TMEM131: variants seen among roughly 807,000 people sequenced by gnomAD.
The protein encoded by TMEM131 is transmembrane protein 131, also known as 2610524E03Rik.
TMEM131 carries 66 observed loss-of-function variants against 211.6 expected under a neutral mutation model. That is an observed-to-expected ratio of 0.31 (90% CI 0.26 to 0.38). The LOEUF is 0.38. Among genes scored for constraint, TMEM131 ranks in the 10% least tolerant of loss-of-function variants. The pLI, the probability that TMEM131 is intolerant of heterozygous loss-of-function variation, is 1.00. For synonymous variants in TMEM131, 844 were observed against 841.3 expected (o/e 1.00, Z -0.06); for missense variants, 2,036 against 2,299.3 (o/e 0.89, Z 2.34).
chr2:97,757,895 G>A (rs1032484916), intron 40 of TMEM131, among the ~76,000 whole-genome samples: 5 of 152,160 alleles, frequency 3.3e-5, no homozygotes, highest in Admixed American at 2.0e-4. Context: ...CACTTTGGGA[G>A]GCCGACGTGG....
intron 11 of TMEM131, among the ~76,000 whole-genome samples, chr2:97,825,114 G>C (rs1202302708): frequency 5.3e-5 from 8 of 152,158 alleles, no homozygotes; most frequent in African/African-American, 1.9e-4. Context: ...CAACTTATGT[G>C]GACGGTCTTA....
At chr2:97,904,767 T>C (rs2104352036) in intron 3 of TMEM131, among the ~76,000 whole-genome samples, 1 of 152,194 alleles carries the variant, frequency 6.6e-6, no homozygotes, top group Non-Finnish European at 1.5e-5. Context: ...TATTTCATTC[T>C]ATCTTCGTGA....
intron 11 of TMEM131, among the ~76,000 whole-genome samples, chr2:97,829,041 G>A (rs947698669): frequency 3.3e-5 from 5 of 152,176 alleles, no homozygotes; most frequent in African/African-American, 9.7e-5. Flanking sequence ...CCTTTGACTG[G>A]CCTAGACAGT....
chr2:97,779,310 T>G (rs978294298), intron 31 of TMEM131, among the ~76,000 whole-genome samples: 1 of 152,210 alleles, frequency 6.6e-6, no homozygotes. Context: ...TGACTGATAA[T>G]ACTGGATGCC....
At chr2:97,850,742 TG>T (rs988805096) in intron 5 of TMEM131, among the ~76,000 whole-genome samples, 11 of 152,062 alleles carry the variant, frequency 7.2e-5, no homozygotes, top group Non-Finnish European at 1.5e-4. Flanking sequence ...TAAAAAAAGG[TG>T]AAAGTTTTAG....
intron 13 of TMEM131, 144 bp downstream of exon 13, chr2:97,815,054 CT>C: frequency 2.3e-6 from 1 of 441,066 alleles, no homozygotes. Context: ...GAGGTTTTCT[CT>C]TTTATAGTTG....
chr2:97,959,676 C>A (rs1678731867), intron 1 of TMEM131, among the ~76,000 whole-genome samples: 1 of 152,136 alleles, frequency 6.6e-6, no homozygotes, highest in Non-Finnish European at 1.5e-5. Flanking sequence ...AAGACATTCT[C>A]CTACATAATC....
At chr2:97,940,219 GA>G (rs1677654264) in intron 1 of TMEM131, among the ~76,000 whole-genome samples, 1 of 152,164 alleles carries the variant, frequency 6.6e-6, no homozygotes, top group South Asian at 2.1e-4. Flanking sequence ...ATTAGGAAAA[GA>G]GGAAGTCAAA....
intron 12 of TMEM131, among the ~76,000 whole-genome samples, chr2:97,818,193 A>G (rs1681925014): frequency 6.6e-6 from 1 of 152,180 alleles, no homozygotes; most frequent in Non-Finnish European, 1.5e-5. Context: ...TTGCCTATAA[A>G]AGCCAATATA....
chr2:97,779,633 T>C (rs1460958643), intron 31 of TMEM131, among the ~76,000 whole-genome samples: 1 of 152,200 alleles, frequency 6.6e-6, no homozygotes, highest in Non-Finnish European at 1.5e-5. Flanking sequence ...TATGGCCCCA[T>C]TCCAGACCTA....
At chr2:97,949,951 T>C (rs1182309034) in intron 1 of TMEM131, among the ~76,000 whole-genome samples, 1 of 152,122 alleles carries the variant, frequency 6.6e-6, no homozygotes, top group African/African-American at 2.4e-5. Context: ...ATGAAGGCCT[T>C]ACTCCAAAAT....
chr2:97,849,717 C>CTTTTTTTTTT (rs11320615), intron 5 of TMEM131, among the ~76,000 whole-genome samples: 1 of 103,826 alleles, frequency 9.6e-6, no homozygotes, highest in African/African-American at 3.8e-5. Context: ...CTCTCTCTCT[C>CTTTTTTTTTT]TTTTTTTTTT....
intron 1 of TMEM131, among the ~76,000 whole-genome samples, chr2:97,932,619 C>T (rs546930361): frequency 6.6e-6 from 1 of 152,282 alleles, no homozygotes; most frequent in African/African-American, 2.4e-5. Flanking sequence ...AATTAATTTT[C>T]ACCTTATCCT....
chr2:97,779,835 T>C (rs567918517), intron 31 of TMEM131, among the ~76,000 whole-genome samples: 1 of 152,182 alleles, frequency 6.6e-6, no homozygotes, highest in East Asian at 1.9e-4. Context: ...GGTAAAATAG[T>C]GAGACTTCAT....
At chr2:97,972,047 A>T (rs1679319684) in intron 1 of TMEM131, among the ~76,000 whole-genome samples, 1 of 151,722 alleles carries the variant, frequency 6.6e-6, no homozygotes, top group African/African-American at 2.4e-5. Context: ...ATCTCTACTA[A>T]AACTACAAAA....
At chr2:97,801,801 C>T (rs1419881926) in intron 25 of TMEM131, 94 bp downstream of exon 25, 1 of 923,138 alleles carries the variant, frequency 1.1e-6, no homozygotes, top group Non-Finnish European at 1.6e-6. Context: ...ACCCTTCAGC[C>T]AAATTTAAGA....
intron 3 of TMEM131, among the ~76,000 whole-genome samples, chr2:97,902,022 T>C (rs1323666372): frequency 2.6e-5 from 4 of 152,130 alleles, no homozygotes; most frequent in African/African-American, 9.7e-5. Flanking sequence ...GATTTGATCA[T>C]TACACAGTCT....
At chr2:97,979,171 T>G (rs1213940016) in intron 1 of TMEM131, among the ~76,000 whole-genome samples, 2 of 152,336 alleles carry the variant, frequency 1.3e-5, no homozygotes, top group Non-Finnish European at 2.9e-5. Context: ...TAAACAGATG[T>G]GCTGTCATTC....
intron 19 of TMEM131, among the ~76,000 whole-genome samples, chr2:97,808,754 G>A (rs183184185): frequency 6.7e-4 from 102 of 152,276 alleles, no homozygotes; most frequent in Middle Eastern, 6.8e-3. Flanking sequence ...CACAATACGA[G>A]GCTTGCAGCA....
Sources: allele counts gnomAD v4.1 joint callset (sites outside exome capture counted in the v4.1 genomes callset), GRCh38; gene constraint gnomAD v4.1.1; transcripts MANE v1.5; gene names NCBI Gene and HGNC (gene_info 2026-07-23, HGNC 2026-07-21).